TAFA4: variants seen among roughly 807,000 people sequenced by gnomAD.
TAFA4 encodes chemokine-like protein TAFA-4.
A neutral mutation model predicts 21.1 loss-of-function variants in TAFA4; 20 were observed. The ratio of observed to expected loss-of-function variants is 0.95; its 90% CI spans 0.67 to 1.38. The LOEUF (loss-of-function observed/expected upper bound fraction) is 1.38, where lower values mean the gene tolerates loss of function less well. Among genes scored for constraint, TAFA4 ranks in the 40% most tolerant of loss-of-function variants. The pLI is 0.00. For missense variants in TAFA4, 211 were observed against 180.9 expected (o/e 1.17, Z -0.95); for synonymous variants, 71 against 67.4 (o/e 1.05, Z -0.26).
At chr3:68,928,709 A>C (rs1195014119) in intron 1 of TAFA4, among the ~76,000 whole-genome samples, 1 of 152,140 alleles carries the variant, frequency 6.6e-6, no homozygotes, top group Non-Finnish European at 1.5e-5. Context: ...CTGATGGTGC[A>C]AGAAGCCAAT....
intron 1 of TAFA4, among the ~76,000 whole-genome samples, chr3:68,922,396 G>C (rs2090068016): frequency 6.6e-6 from 1 of 152,066 alleles, no homozygotes; most frequent in Non-Finnish European, 1.5e-5. Flanking sequence ...TTGGGGACCG[G>C]TATACCAAAC....
intron 3 of TAFA4, among the ~76,000 whole-genome samples, chr3:68,866,154 T>A (rs1461349945): frequency 3.3e-5 from 5 of 152,030 alleles, no homozygotes; most frequent in Non-Finnish European, 7.4e-5. Context: ...AACTCAGCCC[T>A]TTATCTTAGC....
chr3:68,841,462 A>C (rs929294907), intron 3 of TAFA4, among the ~76,000 whole-genome samples: 12 of 152,146 alleles, frequency 7.9e-5, no homozygotes, highest in African/African-American at 2.9e-4. Flanking sequence ...CACCTGACCC[A>C]CAACTAAATC....
At chr3:68,797,739 T>G (rs1232177111) in intron 3 of TAFA4, among the ~76,000 whole-genome samples, 1 of 147,892 alleles carries the variant, frequency 6.8e-6, no homozygotes. Flanking sequence ...GTACCTAGAG[T>G]AGTCAAATTC....
In TAFA4 at chr3:68,731,850, T is replaced by TTTCCA. The variant is rs1226583767; in HGVS notation, c.*1287_*1291dup. On this transcript the variant is annotated 3_prime_UTR_variant, in exon 6 of 6. Coordinates refer to ENST00000295569, the MANE Select transcript of TAFA4 (RefSeq NM_182522.5). ...TTACGCCAACAAATCTTTCCATTCC[T>TTTCCA]TTCCATTCCCTCTGCAAGAATAAAA... 1.3e-5 allele frequency: 2 copies of TTTCCA among 151,406 alleles called. No individual in the cohort carries two copies. The highest frequency in any genetic ancestry group is 3.2e-3 in the Middle Eastern group (1 of 314). 9.4% of individuals were successfully genotyped at this position (151,406 alleles called of 1,614,324 possible).
chr3:68,902,279 G>C (rs1159847586), intron 1 of TAFA4, among the ~76,000 whole-genome samples: 1 of 152,120 alleles, frequency 6.6e-6, no homozygotes, highest in East Asian at 1.9e-4. Context: ...GTCTTTCTAA[G>C]ATCTCAAAGC....
At chr3:68,755,637 A>C (rs7642273) in intron 3 of TAFA4, among the ~76,000 whole-genome samples, 13,824 of 152,190 alleles carry the variant, frequency 0.091, 759 homozygotes, top group African/African-American at 0.15. Context: ...CTGGTTTGTC[A>C]AGTCCAAAAT....
intron 1 of TAFA4, among the ~76,000 whole-genome samples, chr3:68,891,619 T>C (rs2089731557): frequency 1.3e-5 from 2 of 152,206 alleles, no homozygotes; most frequent in Admixed American, 6.5e-5. Context: ...GTAAATCATT[T>C]TTCCACACTA....
At chr3:68,785,206 A>G (rs1288933291) in intron 3 of TAFA4, among the ~76,000 whole-genome samples, 1 of 152,216 alleles carries the variant, frequency 6.6e-6, no homozygotes, top group Non-Finnish European at 1.5e-5. Context: ...GCTAGACATA[A>G]AGGTTCTCCA....
intron 3 of TAFA4, among the ~76,000 whole-genome samples, chr3:68,816,772 T>G (rs1453691239): frequency 1.3e-5 from 2 of 152,120 alleles, no homozygotes; most frequent in Non-Finnish European, 2.9e-5. Context: ...GTCACACAGT[T>G]TTTATTTCCC....
chr3:68,741,806 A>G (rs997717761), intron 4 of TAFA4, among the ~76,000 whole-genome samples: 1 of 152,118 alleles, frequency 6.6e-6, no homozygotes, highest in Non-Finnish European at 1.5e-5. Context: ...AAAAATAAAA[A>G]TAAAAATAAA....
At chr3:68,859,932 T>C (rs189405926) in intron 3 of TAFA4, among the ~76,000 whole-genome samples, 47 of 152,294 alleles carry the variant, frequency 3.1e-4, no homozygotes, top group Non-Finnish European at 4.9e-4. Flanking sequence ...TTCTGCAAGA[T>C]AGTTCAACTC....
chr3:68,819,814 G>T (rs528800153), intron 3 of TAFA4, among the ~76,000 whole-genome samples: 2 of 152,256 alleles, frequency 1.3e-5, no homozygotes, highest in South Asian at 4.2e-4. Flanking sequence ...AGAGAAAAGG[G>T]AACGCTTACA....
chr3:68,761,690 C>A (rs1453596139), intron 3 of TAFA4, among the ~76,000 whole-genome samples: 2 of 152,088 alleles, frequency 1.3e-5, no homozygotes, highest in Non-Finnish European at 2.9e-5. Flanking sequence ...CTTAATGTGA[C>A]ATATATTTTA....
chr3:68,739,236 T>C, intron 4 of TAFA4, 37 bp from the exon 5 acceptor site: 1 of 1,611,290 alleles, frequency 6.2e-7, no homozygotes, highest in South Asian at 1.1e-5. Flanking sequence ...TGTGACACTG[T>C]TTCTTCCTCC....
intron 3 of TAFA4, among the ~76,000 whole-genome samples, chr3:68,777,472 A>G (rs1286880194): frequency 6.6e-6 from 1 of 152,160 alleles, no homozygotes; most frequent in Non-Finnish European, 1.5e-5. Flanking sequence ...AATTTCAAGC[A>G]TTTAACTGTA....
intron 5 of TAFA4, among the ~76,000 whole-genome samples, chr3:68,737,367 G>C (rs1371001751): frequency 6.6e-6 from 1 of 152,134 alleles, no homozygotes; most frequent in Non-Finnish European, 1.5e-5. Context: ...GGCTTAGAAT[G>C]ATACGAGTGT....
rs539540056 is a variant in TAFA4, at chr3:68,790,832, G to C, written c.131-37814C>G. On this transcript the variant is annotated intron_variant, in intron 3 of 5. Transcript: ENST00000295569. Reference sequence around the variant, plus strand: ...AATGAAGGAAGGAAGCAAGTCTCAGGAACCCTACTTTGGCCATTTTTGCTC... The same window carrying C: ...AATGAAGGAAGGAAGCAAGTCTCAGCAACCCTACTTTGGCCATTTTTGCTC... Among the ~76,000 whole-genome samples, 4 of 152,266 alleles carry C rather than the reference G, an allele frequency of 2.6e-5. No homozygotes were observed. In the East Asian group the frequency reaches 5.8e-4, roughly 22 times the overall value.
intron 1 of TAFA4, among the ~76,000 whole-genome samples, chr3:68,922,040 C>G (rs1318598509): frequency 1.3e-5 from 2 of 152,202 alleles, no homozygotes; most frequent in Non-Finnish European, 2.9e-5. Flanking sequence ...TAATTTAAAT[C>G]AACCTTCTGA....
Sources: gnomAD v4.1 joint callset for allele counts (sites outside exome capture counted in the v4.1 genomes callset) on GRCh38, gnomAD v4.1.1 for gene constraint, MANE v1.5 for transcripts, NCBI Gene and HGNC (gene_info 2026-07-23, HGNC 2026-07-21) for gene names.